Variants in SYNJ1 observed in about 807,000 individuals in gnomAD.
The protein encoded by SYNJ1 is polyphosphatidylinositol phosphatase SYNJ1.
Under a neutral mutation model 168.2 loss-of-function variants are expected in SYNJ1, and 78 were observed. The ratio of observed to expected loss-of-function variants is 0.46; its 90% CI spans 0.39 to 0.56. The LOEUF is 0.56. SYNJ1 is among the 20% of genes least tolerant of loss of function. The pLI is 0.00. For missense variants in SYNJ1, 1,303 were observed against 1,597.6 expected (o/e 0.82, Z 3.14); for synonymous variants, 539 against 548.6 (o/e 0.98, Z 0.24).
rs2040486302 is a variant in SYNJ1 at position 32,657,047 on chromosome 21, A to C, written c.2535T>G (p.Thr845=). The C allele has an allele frequency of 3.7e-6, 6 of 1,614,212 alleles. No individual in the cohort carries two copies. The highest frequency in any genetic ancestry group is 4.2e-6 in the Non-Finnish European group (5 of 1,180,038). Residue 845 remains threonine (T), a synonymous_variant, in exon 20 of 33, where the codon ACT becomes ACG. Coordinates refer to ENST00000674351, the MANE Select transcript of SYNJ1 (RefSeq NM_203446.3). The part of the protein sequence containing the change: ...SKILYTWTPG[T]LLHYGRAELK... ...GCTCAGCTCTTCCATAGTGCAGCAA[A>C]GTGCCTGGAGTCCACGTGTACAGAA...
intron 13 of SYNJ1, 126 bp downstream of exon 13, chr21:32,676,206 C>T: frequency 1.6e-6 from 1 of 606,230 alleles, no homozygotes. Flanking sequence ...ATCAATTTAT[C>T]CTGTTAGGAT....
rs909878831 is a variant in SYNJ1, at chr21:32,695,529, C to T, written c.480-247G>A. 2.0e-5 allele frequency among the ~76,000 whole-genome samples: 3 copies of T among 152,120 alleles called. No individual in the cohort carries two copies. In the East Asian group the frequency reaches 5.8e-4, roughly 29 times the overall value. ...TGTTTTTAGTATCTGTGGCCCATTT[C>T]TGTTATGTCTTTATATATAATGTGT... On this transcript the variant is annotated intron_variant, in intron 4 of 32. Transcript: ENST00000674351.
At chr21:32,675,138 G>A (rs1246431506) in intron 13 of SYNJ1, among the ~76,000 whole-genome samples, 1 of 152,106 alleles carries the variant, frequency 6.6e-6, no homozygotes, top group East Asian at 1.9e-4. Flanking sequence ...CTTAAAAATT[G>A]AAGTCACTGC....
intron 31 of SYNJ1, among the ~76,000 whole-genome samples, chr21:32,636,007 A>G (rs2039550691): frequency 6.6e-6 from 1 of 152,204 alleles, no homozygotes; most frequent in African/African-American, 2.4e-5. Context: ...CCAGAAATAT[A>G]TTAAGTACTT....
intron 17 of SYNJ1, 124 bp from the exon 18 acceptor site, chr21:32,665,195 A>G (rs1397345401): frequency 1.0e-5 from 10 of 995,890 alleles, no homozygotes; most frequent in Non-Finnish European, 1.4e-5. Flanking sequence ...CCCAACAGTA[A>G]TAACACATGT....
At chr21:32,709,898 G>C (rs957827160) in intron 2 of SYNJ1, among the ~76,000 whole-genome samples, 2 of 151,918 alleles carry the variant, frequency 1.3e-5, no homozygotes, top group African/African-American at 4.8e-5. Flanking sequence ...TGTGTTTCAT[G>C]TGAAAGAAAT....
At position 32,629,671 on chromosome 21, in the gene SYNJ1, G is replaced by A. The variant is rs577529557; in HGVS notation, c.*2134C>T. ...GGAATGTTAATGTAAGTCTTAATGG[G>A]TAAAGATGATTGTAACTGAAACTGA... On this transcript the variant is annotated 3_prime_UTR_variant, in exon 33 of 33. Transcript: ENST00000674351. 1 of 152,450 alleles carries A rather than the reference G, an allele frequency of 6.6e-6. No homozygotes were observed. Among genetic ancestry groups the A allele is most frequent in the South Asian group, 2.1e-4 (1 of 4,822 alleles). The allele number at this position is 152,450 out of a possible 1,614,324, so 9.4% of individuals were successfully genotyped here.
intron 14 of SYNJ1, chr21:32,670,950 G>T: frequency 2.5e-6 from 1 of 397,258 alleles, no homozygotes; most frequent in Non-Finnish European, 3.4e-6. Context: ...AGAGCTGCCT[G>T]AGAAAGCAGC....
intron 2 of SYNJ1, among the ~76,000 whole-genome samples, chr21:32,726,502 A>G (rs1257408521): frequency 1.3e-5 from 2 of 152,246 alleles, no homozygotes; most frequent in African/African-American, 4.8e-5. Flanking sequence ...ATTTCTTTGG[A>G]AAAAACATTT....
rs563275779 is a variant in SYNJ1 at position 32,659,737 on chromosome 21, C to T, written c.2305-1865G>A. ...TCGGGGAGCTCAGTTTTTGGAGACG[C>T]AAGTCTGCCGATGCTCCCAGCTGAA... On this transcript the variant is annotated intron_variant, in intron 18 of 32. Transcript: ENST00000674351. 3.9e-5 allele frequency among the ~76,000 whole-genome samples: 6 copies of T among 152,318 alleles called. No homozygotes were observed. In the East Asian group the frequency reaches 9.7e-4, roughly 25 times the overall value.
chr21:32,668,139 A>G (rs527913150), intron 15 of SYNJ1, among the ~76,000 whole-genome samples: 1 of 151,654 alleles, frequency 6.6e-6, no homozygotes, highest in Admixed American at 6.6e-5. Context: ...ATCTCCACTC[A>G]CTGCAACCTC....
chr21:32,689,365 C>T (rs1218394628), intron 6 of SYNJ1, among the ~76,000 whole-genome samples: 1 of 152,146 alleles, frequency 6.6e-6, no homozygotes, highest in African/African-American at 2.4e-5. Flanking sequence ...GGCGTGATCT[C>T]GGCTCACTGC....
At chr21:32,658,666 C>T in intron 18 of SYNJ1, 1 of 152,436 alleles carries the variant, frequency 6.6e-6, no homozygotes, top group Non-Finnish European at 1.5e-5. Context: ...GCACCCTCCC[C>T]TAGACACTGC....
chr21:32,710,606 C>T (rs1009467435), intron 2 of SYNJ1, among the ~76,000 whole-genome samples: 1 of 151,900 alleles, frequency 6.6e-6, no homozygotes, highest in East Asian at 1.9e-4. Flanking sequence ...CTCACTGTAA[C>T]CTGAAACCCC....
chr21:32,716,242 CTTCT>C (rs1387010766), intron 2 of SYNJ1, among the ~76,000 whole-genome samples: 16 of 152,290 alleles, frequency 1.1e-4, no homozygotes, highest in Admixed American at 7.2e-4. Flanking sequence ...ACTTTGTATG[CTTCT>C]TTCAAAATTT....
intron 2 of SYNJ1, among the ~76,000 whole-genome samples, chr21:32,717,121 G>A (rs150764058): frequency 0.098 from 14,912 of 152,014 alleles, 795 homozygotes; most frequent in African/African-American, 0.11. Context: ...CACCACGCCC[G>A]GCTAATTTTG....
At chr21:32,699,668 G>A (rs1224634193) in intron 4 of SYNJ1, among the ~76,000 whole-genome samples, 170 bp downstream of exon 4, 2 of 152,096 alleles carry the variant, frequency 1.3e-5, no homozygotes, top group African/African-American at 4.8e-5. Context: ...AATCTTTTGG[G>A]AGATGAGGTA....
chr21:32,707,198 T>C (rs887474285), intron 2 of SYNJ1, among the ~76,000 whole-genome samples: 3 of 152,058 alleles, frequency 2.0e-5, no homozygotes, highest in Non-Finnish European at 2.9e-5. Flanking sequence ...CTGATCACTC[T>C]AGCTGGAGGT....
chr21:32,636,909 T>A (rs1304803671), intron 31 of SYNJ1, among the ~76,000 whole-genome samples: 3 of 152,192 alleles, frequency 2.0e-5, no homozygotes, highest in Non-Finnish European at 2.9e-5. Context: ...TTTGATGAAC[T>A]GACAACCATG....
Sources: gnomAD v4.1 joint callset for allele counts (sites outside exome capture counted in the v4.1 genomes callset) on GRCh38, gnomAD v4.1.1 for gene constraint, MANE v1.5 for transcripts, NCBI Gene and HGNC (gene_info 2026-07-23, HGNC 2026-07-21) for gene names.